Variants in WDR36 observed in about 807,000 individuals in gnomAD.
The protein encoded by WDR36 is WD repeat-containing protein 36.
WDR36 carries 63 observed loss-of-function variants against 112.7 expected under a neutral mutation model. That is an observed-to-expected ratio of 0.56 (90% CI 0.46 to 0.69). WDR36 has a LOEUF of 0.69. Ranked by LOEUF, WDR36 falls within the 30% of genes least tolerant of loss-of-function variation. The probability of loss-of-function intolerance (pLI) is 0.00; values close to 1 mark genes in which losing one functional copy is unlikely to be tolerated. For missense variants in WDR36, 1,226 were observed against 1,070.3 expected (o/e 1.15, Z -2.03); for synonymous variants, 410 against 362.2 (o/e 1.13, Z -1.50).
At chr5:111,117,801 T>C (rs1353770038) in intron 16 of WDR36, among the ~76,000 whole-genome samples, 1 of 152,210 alleles carries the variant, frequency 6.6e-6, no homozygotes, top group East Asian at 1.9e-4. Context: ...TTCCTATGGA[T>C]AATATATTGG....
intron 1 of WDR36, among the ~76,000 whole-genome samples, chr5:111,093,915 A>C (rs1210419309): frequency 6.6e-6 from 1 of 152,220 alleles, no homozygotes; most frequent in East Asian, 1.9e-4. Flanking sequence ...TCTAACACTG[A>C]TGATACATTC....
Position 111,127,431 on chromosome 5 carries a change from GA to G in WDR36, c.*554del, listed in dbSNP as rs1753696779. 4.9e-6 allele frequency: 1 copy of G among 202,620 alleles called. No individual in the cohort carries two copies. The highest frequency in any genetic ancestry group is 1.0e-5 in the Non-Finnish European group (1 of 98,496). 12.6% of individuals were successfully genotyped at this position (202,620 alleles called of 1,614,324 possible). On this transcript the variant is annotated 3_prime_UTR_variant, in exon 23 of 23. Transcript: ENST00000513710. ...GTAGTTATAAAAATGCTGTTATGAA[GA>G]AAAAAGGAATGCTTTTTTCCTCGGT...
intron 16 of WDR36, among the ~76,000 whole-genome samples, chr5:111,114,031 G>T (rs1485060679): frequency 6.6e-6 from 1 of 152,130 alleles, no homozygotes; most frequent in African/African-American, 2.4e-5. Context: ...TGGTGAAAAT[G>T]TGTGTCTTCG....
At position 111,105,402 on chromosome 5, in the gene WDR36, A is replaced by G. The variant is rs200370064; in HGVS notation, c.1093+42A>G. ...ACAAAATAAGCTGGTCACGAAAGAA[A>G]CATTTCAACATTCTATGAAACAACT... On this transcript the variant is annotated intron_variant, in intron 10 of 22. Coordinates refer to ENST00000513710, the MANE Select transcript of WDR36 (RefSeq NM_139281.3). The G allele has an allele frequency of 2.5e-5, 38 of 1,543,696 alleles. No homozygotes were observed. The African/African-American group carries it at 3.7e-4, about 15-fold the overall frequency.
At position 111,113,441 on chromosome 5, in the gene WDR36, C is replaced by CT. The variant is rs34117403; in HGVS notation, c.1796+293dup. ...TAAACCTTAAGAAAGCTCATTTGAC[C>CT]TTTTTGATACTCCAAAATAAAGCTC... On this transcript the variant is annotated intron_variant, in intron 16 of 22. Coordinates refer to ENST00000513710, the MANE Select transcript of WDR36 (RefSeq NM_139281.3). 0.53 allele frequency among the ~76,000 whole-genome samples: 80,617 copies of CT among 151,622 alleles called. 22,349 individuals are homozygous for CT. Among genetic ancestry groups the CT allele is most frequent in the South Asian group, 0.68 (3,264 of 4,802 alleles).
chr5:111,120,644 A>G (rs1465184726), intron 18 of WDR36, 51 bp downstream of exon 18: 1 of 1,457,092 alleles, frequency 6.9e-7, no homozygotes, highest in East Asian at 2.3e-5. Context: ...TATAAACCTA[A>G]TGTAGGAGAT....
intron 4 of WDR36, among the ~76,000 whole-genome samples, 195 bp from the exon 5 acceptor site, chr5:111,100,389 CTAAAT>C (rs1383266715): frequency 1.3e-5 from 2 of 151,716 alleles, no homozygotes; most frequent in Non-Finnish European, 2.9e-5. Context: ...TTTTGACAGT[CTAAAT>C]TAAATTACAT....
At chr5:111,110,444 T>C (rs900979230) in intron 13 of WDR36, 141 bp downstream of exon 13, 9 of 734,502 alleles carry the variant, frequency 1.2e-5, no homozygotes, top group Non-Finnish European at 1.9e-5. Context: ...TGGCAGATAC[T>C]GCAATTGTAT....
intron 17 of WDR36, 120 bp from the exon 18 acceptor site, chr5:111,120,374 ATC>A (rs1753540969): frequency 1.3e-6 from 1 of 780,242 alleles, no homozygotes; most frequent in Non-Finnish European, 2.1e-6. Context: ...ATTGATAACA[ATC>A]TATCTTTGAG....
At chr5:111,122,907 C>G (rs113295611) in intron 19 of WDR36, among the ~76,000 whole-genome samples, 39,088 of 151,930 alleles carry the variant, frequency 0.26, 5,885 homozygotes, top group Non-Finnish European at 0.34. Context: ...GTCAGGAGTT[C>G]GAGACCAGCC....
chr5:111,099,463 G>GTTTTTTTTT (rs67437234), intron 4 of WDR36, among the ~76,000 whole-genome samples: 1 of 84,966 alleles, frequency 1.2e-5, no homozygotes, highest in Non-Finnish European at 2.5e-5. Context: ...TTTTTTTTTT[G>GTTTTTTTTT]TTTTTTTTTT....
In WDR36 at chr5:111,128,783, C is replaced by G. The variant is rs1219915681; in HGVS notation, c.*1900C>G. 2 of 181,638 alleles carry G rather than the reference C, an allele frequency of 1.1e-5. No individual in the cohort carries two copies. The highest frequency in any genetic ancestry group is 1.3e-4 in the Admixed American group (2 of 15,924). 11.3% of individuals were successfully genotyped at this position (181,638 alleles called of 1,614,324 possible). A position where few individuals can be genotyped will look rare whatever the true frequency, so the allele number is the denominator to read the frequency against. On this transcript the variant is annotated 3_prime_UTR_variant, in exon 23 of 23. Transcript: ENST00000513710. The stretch of plus-strand genomic sequence containing the variant: ...AAAGAAATAGAAAATATAATTTTAT[C>G]TATATTTTCCTTAAAATATATCAAT...
In WDR36 at chr5:111,127,918, GTTTTGTTTTTT is replaced by G. The variant is rs532039350; in HGVS notation, c.*1040_*1050del. 0.12 allele frequency: 21,168 copies of G among 175,152 alleles called. 1,082 individuals are homozygous for G. The highest frequency in any genetic ancestry group is 0.27 in the South Asian group (1,303 of 4,830). 10.8% of individuals were successfully genotyped at this position (175,152 alleles called of 1,614,324 possible). The stretch of plus-strand genomic sequence containing the variant: ...GCCAGGGTTTTTTTTATTTTGTTTT[GTTTTGTTTTTT>G]TTTTTTTTTTTTTGGCTACACTTTT... On this transcript the variant is annotated 3_prime_UTR_variant, in exon 23 of 23. Coordinates refer to ENST00000513710, the MANE Select transcript of WDR36 (RefSeq NM_139281.3).
In WDR36 at chr5:111,113,086, G is replaced by T; in HGVS notation, c.1729G>T (p.Asp577Tyr). The T allele has an allele frequency of 2.1e-6, 3 of 1,449,854 alleles. No individual in the cohort carries two copies. The highest frequency in any genetic ancestry group is 2.7e-6 in the Non-Finnish European group (3 of 1,091,422). The allele number at this position is 1,449,854 out of a possible 1,614,324, so 89.8% of individuals were successfully genotyped here. A position where few individuals can be genotyped will look rare whatever the true frequency, so the allele number is the denominator to read the frequency against. ...GQINDMAFSP[D>Y]GRWLISAAMD... Reference sequence around the variant, plus strand: ...TTTTAATTTAAAGGCTTTTAGTCCTGATGGTCGTTGGTTAATAAGTGCTGC... The same window carrying T: ...TTTTAATTTAAAGGCTTTTAGTCCTTATGGTCGTTGGTTAATAAGTGCTGC... The change falls in exon 16 of 23, where the codon GAT becomes TAT. Residue 577 changes from aspartate to tyrosine, a missense_variant. Asp to Tyr is a radical substitution (Grantham distance 160). Transcript: ENST00000513710.
chr5:111,095,522 G>A (rs1228256529), intron 2 of WDR36, among the ~76,000 whole-genome samples: 2 of 152,128 alleles, frequency 1.3e-5, no homozygotes, highest in Non-Finnish European at 2.9e-5. Flanking sequence ...TTAGTATGAT[G>A]GTTGCCAAAT....
chr5:111,095,282 C>G (rs1368177433), intron 2 of WDR36: 2 of 232,302 alleles, frequency 8.6e-6, no homozygotes, highest in African/African-American at 4.6e-5. Context: ...TAGGTTGTAC[C>G]CCTTGGGAGG....
chr5:111,126,341 G>A (rs11952682), intron 22 of WDR36, among the ~76,000 whole-genome samples: 13,568 of 151,980 alleles, frequency 0.089, 645 homozygotes, highest in South Asian at 0.23. Context: ...ATATAGTGGT[G>A]AACTCATGTT....
rs375187197 is a variant in WDR36 at position 111,100,771 on chromosome 5, A to T, written c.542+50A>T. 38 of 1,549,784 alleles carry T rather than the reference A, an allele frequency of 2.5e-5. 1 individual carries two copies. Among genetic ancestry groups the T allele is most frequent in the Middle Eastern group, 3.9e-4 (2 of 5,142 alleles). On this transcript the variant is annotated intron_variant, in intron 5 of 22. Transcript: ENST00000513710. ...TATAGCTGTCACCTTATCCTCATCT[A>T]CTACTTCCTAATGTATACTTAAGTC...
At chr5:111,107,484 C>G (rs1164981712) in intron 12 of WDR36, 45 bp downstream of exon 12, 3 of 1,600,786 alleles carry the variant, frequency 1.9e-6, no homozygotes, top group African/African-American at 1.3e-5. Flanking sequence ...TAAAACTTTC[C>G]TATGGAAATC....
Sources: gnomAD v4.1 joint callset for allele counts (sites outside exome capture counted in the v4.1 genomes callset) on GRCh38, gnomAD v4.1.1 for gene constraint, MANE v1.5 for transcripts, NCBI Gene and HGNC (gene_info 2026-07-23, HGNC 2026-07-21) for gene names.